Variants in KTN1 observed in about 807,000 individuals in gnomAD.
KTN1 encodes kinectin 1, also known as kinectin.
A neutral mutation model predicts 222.5 loss-of-function variants in KTN1; 130 were observed. That is an observed-to-expected ratio of 0.58 (90% CI 0.51 to 0.68). KTN1 has a LOEUF of 0.68. Among genes scored for constraint, KTN1 ranks in the 30% least tolerant of loss-of-function variants. The pLI is 0.00. For synonymous variants in KTN1, 512 were observed against 496.3 expected, an observed-to-expected ratio of 1.03 and a Z score of -0.42; for missense variants, 1,508 against 1,500.4, an observed-to-expected ratio of 1.01 and a Z score of -0.08.
intron 6 of KTN1, among the ~76,000 whole-genome samples, chr14:55,629,174 TG>T (rs1370698411): frequency 6.6e-6 from 1 of 152,082 alleles, no homozygotes; most frequent in African/African-American, 2.4e-5. Flanking sequence ...CCCAGCACTT[TG>T]GGAGGCTGAG....
At chr14:55,623,855 T>C (rs966372620) in intron 5 of KTN1, among the ~76,000 whole-genome samples, 5 of 152,236 alleles carry the variant, frequency 3.3e-5, no homozygotes, top group Non-Finnish European at 7.3e-5. Flanking sequence ...TAAAAGTAAT[T>C]GCTTTAAGTG....
At chr14:55,664,190 C>G (rs895636853) in intron 33 of KTN1, 149 bp downstream of exon 33, 1 of 586,620 alleles carries the variant, frequency 1.7e-6, no homozygotes, top group Admixed American at 3.4e-5. Flanking sequence ...CTGCTTTTTT[C>G]ATCTACTCCT....
At chr14:55,673,510 T>C (rs2045629802) in intron 40 of KTN1, 1 of 291,304 alleles carries the variant, frequency 3.4e-6, no homozygotes, top group Admixed American at 5.0e-5. Flanking sequence ...TTTCCATGTT[T>C]TATAAATCCT....
At chr14:55,611,381 A>G (rs1007132650) in intron 1 of KTN1, among the ~76,000 whole-genome samples, 4 of 150,796 alleles carry the variant, frequency 2.7e-5, no homozygotes, top group African/African-American at 7.4e-5. Flanking sequence ...GGATTCAGGC[A>G]TGAGCCACTG....
At chr14:55,604,384 A>G (rs1180701179) in intron 1 of KTN1, among the ~76,000 whole-genome samples, 1 of 152,148 alleles carries the variant, frequency 6.6e-6, no homozygotes, top group Non-Finnish European at 1.5e-5. Context: ...TTTTTTAAAA[A>G]TGAGATAATC....
intron 43 of KTN1, chr14:55,683,605 T>A (rs1397807553): frequency 6.6e-6 from 1 of 152,278 alleles, no homozygotes; most frequent in Non-Finnish European, 1.5e-5. Context: ...AAGGCAAAAT[T>A]TAACATGTTG....
At chr14:55,667,137 T>C (rs1003531618) in intron 33 of KTN1, 104 bp from the exon 34 acceptor site, 2 of 737,462 alleles carry the variant, frequency 2.7e-6, no homozygotes, top group African/African-American at 1.9e-5. Context: ...TTTTTTAAAC[T>C]TTTTCTTCCC....
intron 2 of KTN1, 33 bp downstream of exon 2, chr14:55,612,604 T>C (rs1296761001): frequency 2.0e-6 from 3 of 1,511,268 alleles, no homozygotes; most frequent in African/African-American, 1.4e-5. Flanking sequence ...TTTAATTTTA[T>C]TGTATGATTT....
chr14:55,596,451 G>GAGGT (rs1255985170), intron 1 of KTN1, among the ~76,000 whole-genome samples: 1 of 152,162 alleles, frequency 6.6e-6, no homozygotes, highest in Non-Finnish European at 1.5e-5. Context: ...CATGGCTGTT[G>GAGGT]AGGTGATTGT....
chr14:55,671,016 G>T (rs550009381), intron 35 of KTN1, among the ~76,000 whole-genome samples: 32 of 152,226 alleles, frequency 2.1e-4, no homozygotes, highest in Admixed American at 2.0e-3. Flanking sequence ...GCTAGTGTTT[G>T]CCATTCCTTT....
At chr14:55,615,965 G>A (rs1484992329) in intron 2 of KTN1, among the ~76,000 whole-genome samples, 1 of 151,484 alleles carries the variant, frequency 6.6e-6, no homozygotes, top group East Asian at 1.9e-4. Flanking sequence ...TGAGGCTCGA[G>A]TGAATGGTGT....
At chr14:55,681,375 A>G (rs144153294) in intron 43 of KTN1, 3 of 152,298 alleles carry the variant, frequency 2.0e-5, no homozygotes, top group African/African-American at 7.2e-5. Context: ...CTTTCGACCT[A>G]AGCGATATTC....
chr14:55,614,930 T>G (rs1213071157), intron 2 of KTN1, among the ~76,000 whole-genome samples: 1 of 152,176 alleles, frequency 6.6e-6, no homozygotes, highest in Non-Finnish European at 1.5e-5. Context: ...GCCATCTACG[T>G]AGAGCAACTC....
intron 21 of KTN1, among the ~76,000 whole-genome samples, 193 bp from the exon 22 acceptor site, chr14:55,649,583 C>G (rs2042734662): frequency 6.6e-6 from 1 of 152,052 alleles, no homozygotes; most frequent in African/African-American, 2.4e-5. Context: ...TTATAAGTGA[C>G]CTTAAAGCTA....
At chr14:55,618,912 A>T (rs113748266) in intron 4 of KTN1, among the ~76,000 whole-genome samples, 4 of 151,568 alleles carry the variant, frequency 2.6e-5, no homozygotes, top group African/African-American at 9.7e-5. Flanking sequence ...CACCTAAGTG[A>T]TTTTTTTTTA....
At chr14:55,610,955 A>T (rs2037465641) in intron 1 of KTN1, among the ~76,000 whole-genome samples, 1 of 152,250 alleles carries the variant, frequency 6.6e-6, no homozygotes, top group South Asian at 2.1e-4. Context: ...TGTTCTGTTG[A>T]TGAGGCAAAG....
chr14:55,615,028 A>G (rs2038145537), intron 2 of KTN1, among the ~76,000 whole-genome samples: 1 of 152,212 alleles, frequency 6.6e-6, no homozygotes, highest in African/African-American at 2.4e-5. Flanking sequence ...TAGATAGCTC[A>G]TCCAAGGGAA....
At chr14:55,670,287 A>C (rs2045327173) in intron 34 of KTN1, among the ~76,000 whole-genome samples, 1 of 152,112 alleles carries the variant, frequency 6.6e-6, no homozygotes, top group South Asian at 2.1e-4. Context: ...AACTCAAAAT[A>C]CTTCACTTTC....
chr14:55,649,877 T>G, intron 22 of KTN1, 64 bp downstream of exon 22: 1 of 911,726 alleles, frequency 1.1e-6, no homozygotes, highest in South Asian at 1.5e-5. Context: ...TTGTGTGTGC[T>G]TAGAAATCTA....
Sources: gnomAD v4.1 joint callset for allele counts (sites outside exome capture counted in the v4.1 genomes callset) on GRCh38, gnomAD v4.1.1 for gene constraint, MANE v1.5 for transcripts, NCBI Gene and HGNC (gene_info 2026-07-23, HGNC 2026-07-21) for gene names.